The following ADGRL3 variants were observed in gnomAD, a reference collection of about 807,000 sequenced individuals.
ADGRL3 encodes adhesion G protein-coupled receptor L3.
Under a neutral mutation model 153.5 loss-of-function variants are expected in ADGRL3, and 62 were observed. The ratio of observed to expected loss-of-function variants is 0.40; its 90% CI spans 0.33 to 0.50. The LOEUF (loss-of-function observed/expected upper bound fraction) is 0.50, where lower values mean the gene tolerates loss of function less well. ADGRL3 is among the 20% of genes least tolerant of loss of function. The pLI, the probability that ADGRL3 is intolerant of heterozygous loss-of-function variation, is 0.47. For missense variants in ADGRL3, 1,641 were observed against 1,859.4 expected, an observed-to-expected ratio of 0.88 and a Z score of 2.16; for synonymous variants, 710 against 672.5, an observed-to-expected ratio of 1.06 and a Z score of -0.86.
In ADGRL3 at chr4:61,762,963, G is replaced by T. The variant is rs533366320; in HGVS notation, c.1399+29409G>T. On this transcript the variant is annotated intron_variant, in intron 8 of 26. Coordinates refer to ENST00000683033, the MANE Select transcript of ADGRL3 (RefSeq NM_001387552.1). ...GTTTTTTAACATCCATTCAGTTTTGGTGCTACTCTTTTCCTTTTTCTCATT... is the reference window on the plus strand; with the variant it reads ...GTTTTTTAACATCCATTCAGTTTTGTTGCTACTCTTTTCCTTTTTCTCATT... Among the ~76,000 whole-genome samples, 5 of 151,428 alleles carry T rather than the reference G, an allele frequency of 3.3e-5. No homozygotes were observed. The South Asian group carries it at 8.4e-4, about 25-fold the overall frequency.
At chr4:61,935,820 G>A (rs867855831) in intron 14 of ADGRL3, 103 bp from the exon 15 acceptor site, 1 of 1,005,916 alleles carries the variant, frequency 9.9e-7, no homozygotes, top group Non-Finnish European at 1.4e-6. Context: ...AATAGAATAA[G>A]AATTCCAGTA....
intron 5 of ADGRL3, among the ~76,000 whole-genome samples, chr4:61,596,505 C>G (rs1242882954): frequency 1.3e-5 from 2 of 152,074 alleles, no homozygotes; most frequent in Non-Finnish European, 1.5e-5. Flanking sequence ...ATTTTTCATT[C>G]TCTGCCAGAG....
intron 9 of ADGRL3, among the ~76,000 whole-genome samples, chr4:61,842,450 TCTG>T (rs1406795346): frequency 6.6e-6 from 1 of 152,206 alleles, no homozygotes; most frequent in African/African-American, 2.4e-5. Context: ...TCTTCATCAT[TCTG>T]CTTTGGGGCA....
At chr4:61,610,381 G>A (rs1224360929) in intron 5 of ADGRL3, among the ~76,000 whole-genome samples, 1 of 152,094 alleles carries the variant, frequency 6.6e-6, no homozygotes, top group Non-Finnish European at 1.5e-5. Context: ...AGCAACTACA[G>A]TTTATAAGTT....
intron 4 of ADGRL3, among the ~76,000 whole-genome samples, chr4:61,522,251 A>G (rs1432616734): frequency 2.6e-5 from 4 of 152,146 alleles, no homozygotes; most frequent in Admixed American, 6.6e-5. Flanking sequence ...TAATAATGTA[A>G]CATAGCACAC....
chr4:61,231,388 A>G (rs1016990571), intron 1 of ADGRL3, among the ~76,000 whole-genome samples: 2 of 152,146 alleles, frequency 1.3e-5, no homozygotes, highest in African/African-American at 2.4e-5. Context: ...GAAGAGACCA[A>G]CAGCTGACTA....
chr4:61,345,486 G>A, intron 1 of ADGRL3, among the ~76,000 whole-genome samples: 1 of 151,976 alleles, frequency 6.6e-6, no homozygotes, highest in Non-Finnish European at 1.5e-5. Flanking sequence ...ATTGATTTTT[G>A]TTTTATAGAA....
chr4:61,239,087 A>T (rs941466578), intron 1 of ADGRL3, among the ~76,000 whole-genome samples: 6 of 152,088 alleles, frequency 3.9e-5, no homozygotes, highest in Admixed American at 3.9e-4. Context: ...ATCCTTATAG[A>T]TAGATTGGTT....
intron 5 of ADGRL3, among the ~76,000 whole-genome samples, chr4:61,632,144 CTA>C (rs1164941854): frequency 6.6e-6 from 1 of 151,996 alleles, no homozygotes; most frequent in Non-Finnish European, 1.5e-5. Flanking sequence ...TTTTATTTGC[CTA>C]TGTCTAATTT....
At chr4:61,712,407 GA>G (rs201120009) in intron 6 of ADGRL3, among the ~76,000 whole-genome samples, 3 of 148,452 alleles carry the variant, frequency 2.0e-5, no homozygotes, top group South Asian at 2.1e-4. Context: ...GCCAAAAAAA[GA>G]AAAAAAAAGG....
At chr4:61,316,916 A>T (rs1264347716) in intron 1 of ADGRL3, among the ~76,000 whole-genome samples, 1 of 152,166 alleles carries the variant, frequency 6.6e-6, no homozygotes, top group Non-Finnish European at 1.5e-5. Context: ...GAAACTATGT[A>T]AAAAGGAAAT....
In ADGRL3 at chr4:61,616,185, T is replaced by A. The variant is rs2055266; in HGVS notation, c.473+28745T>A. 4.0e-3 allele frequency among the ~76,000 whole-genome samples: 614 copies of A among 152,244 alleles called. 9 individuals carry two copies. The highest frequency in any genetic ancestry group is 0.012 in the African/African-American group (491 of 41,566). On this transcript the variant is annotated intron_variant, in intron 5 of 26. Coordinates refer to ENST00000683033, the MANE Select transcript of ADGRL3 (RefSeq NM_001387552.1). ...TTTGATAGAAATAACTTGATAAAAATGGTAGTTATATAATTGCTATGACTT... is the reference window on the plus strand; with the variant it reads ...TTTGATAGAAATAACTTGATAAAAAAGGTAGTTATATAATTGCTATGACTT...
chr4:61,781,331 C>CAAA (rs71281828), intron 8 of ADGRL3, among the ~76,000 whole-genome samples: 80 of 64,428 alleles, frequency 1.2e-3, no homozygotes, highest in Middle Eastern at 9.3e-3. Context: ...ATTCTGCCTC[C>CAAA]AAAAAAAAAA....
intron 1 of ADGRL3, among the ~76,000 whole-genome samples, chr4:61,353,344 C>A (rs923510866): frequency 6.6e-6 from 1 of 152,044 alleles, no homozygotes; most frequent in Non-Finnish European, 1.5e-5. Flanking sequence ...AACACACATA[C>A]ACCCATTTTA....
intron 3 of ADGRL3, among the ~76,000 whole-genome samples, chr4:61,511,310 A>G (rs2098462665): frequency 6.6e-6 from 1 of 152,168 alleles, no homozygotes. Context: ...CGGAGGTTAC[A>G]GTGAGCCGAG....
chr4:61,728,559 C>G (rs1350563931), intron 6 of ADGRL3, among the ~76,000 whole-genome samples: 1 of 151,992 alleles, frequency 6.6e-6, no homozygotes, highest in Non-Finnish European at 1.5e-5. Context: ...TAAGATATTT[C>G]CACTCAAAAA....
chr4:62,077,177 C>T lies in ADGRL3; in HGVS notation c.*6269C>T, dbSNP rs1302831947. The T allele has an allele frequency of 1.3e-5, 2 of 151,748 alleles. No homozygotes were observed. Among genetic ancestry groups the T allele is most frequent in the African/African-American group, 4.8e-5 (2 of 41,358 alleles). 9.4% of individuals were successfully genotyped at this position (151,748 alleles called of 1,614,324 possible). A position where few individuals can be genotyped will look rare whatever the true frequency, so the allele number is the denominator to read the frequency against. On this transcript the variant is annotated 3_prime_UTR_variant, in exon 27 of 27. Transcript: ENST00000683033. ...TTCATTCTAGAATACTAAAGGAAAGCGTTTGAAAGAAGAGGAAAGTAAAGC... is the reference window on the plus strand; with the variant it reads ...TTCATTCTAGAATACTAAAGGAAAGTGTTTGAAAGAAGAGGAAAGTAAAGC...
intron 4 of ADGRL3, among the ~76,000 whole-genome samples, chr4:61,580,618 T>C (rs1351675192): frequency 6.6e-6 from 1 of 152,046 alleles, no homozygotes; most frequent in East Asian, 1.9e-4. Flanking sequence ...TTTAATTAGT[T>C]GGGTATAGCC....
chr4:61,444,798 A>AGTGCC (rs1267705613), intron 2 of ADGRL3, among the ~76,000 whole-genome samples: 5 of 152,176 alleles, frequency 3.3e-5, no homozygotes, highest in East Asian at 1.9e-4. Context: ...CATGCCTGTA[A>AGTGCC]TCCCAGCACT....
Sources: gnomAD v4.1 joint callset for allele counts (sites outside exome capture counted in the v4.1 genomes callset) on GRCh38, gnomAD v4.1.1 for gene constraint, MANE v1.5 for transcripts, NCBI Gene and HGNC (gene_info 2026-07-23, HGNC 2026-07-21) for gene names.